ZKSCAN5: variants seen among roughly 807,000 people sequenced by gnomAD.
ZKSCAN5 encodes zinc finger with KRAB and SCAN domains 5.
ZKSCAN5 carries 28 observed loss-of-function variants against 60.0 expected under a neutral mutation model. That is an observed-to-expected ratio of 0.47 (90% confidence interval 0.35 to 0.64). The LOEUF (loss-of-function observed/expected upper bound fraction) is 0.64. ZKSCAN5 is among the 30% of genes least tolerant of loss of function. The pLI, the probability that ZKSCAN5 is intolerant of heterozygous loss-of-function variation, is 0.01. For missense variants in ZKSCAN5, 881 were observed against 1,034.6 expected, an observed-to-expected ratio of 0.85 and a Z score of 2.04; for synonymous variants, 361 against 371.2, an observed-to-expected ratio of 0.97 and a Z score of 0.31.
At chr7:99,513,089 G>T (rs1026254270) in intron 3 of ZKSCAN5, among the ~76,000 whole-genome samples, 6 of 148,642 alleles carry the variant, frequency 4.0e-5, no homozygotes, top group African/African-American at 1.5e-4. Flanking sequence ...TTGGTTTTTT[G>T]TTCTTGCGAT....
rs753693260 is a variant in ZKSCAN5, at chr7:99,526,243, C to T, written c.1203C>T (p.Pro401=). ...QHQRVHTGEK[P]YKCQVCGKAF... ...AGCGCGTCCACACAGGGGAGAAACC[C>T]TACAAATGTCAGGTGTGCGGAAAGG... is the stretch of plus-strand genomic sequence containing the variant. Residue 401 remains proline, a synonymous_variant, in exon 6 of 7, where the codon CCC becomes CCT. Coordinates refer to ENST00000326775, the MANE Select transcript of ZKSCAN5 (RefSeq NM_145102.4). The T allele has an allele frequency of 1.9e-6, 3 of 1,613,992 alleles. No individual in the cohort carries two copies. The highest frequency in any genetic ancestry group is 1.3e-5 in the African/African-American group (1 of 74,918).
At chr7:99,517,548 G>A (rs995516937) in intron 3 of ZKSCAN5, among the ~76,000 whole-genome samples, 15 of 152,156 alleles carry the variant, frequency 9.9e-5, no homozygotes, top group African/African-American at 3.6e-4. Flanking sequence ...AGGCATGGTG[G>A]CACATGCCTG....
chr7:99,530,035 T>G (rs1801972936), intron 6 of ZKSCAN5, among the ~76,000 whole-genome samples: 2 of 103,984 alleles, frequency 1.9e-5, no homozygotes, highest in East Asian at 4.5e-4. Context: ...GCACCCGGCC[T>G]TTTTTTTTTT....
intron 2 of ZKSCAN5, among the ~76,000 whole-genome samples, chr7:99,507,470 T>C (rs965001565): frequency 2.1e-5 from 3 of 141,192 alleles, no homozygotes; most frequent in Non-Finnish European, 4.7e-5. Context: ...TGCGTATATA[T>C]GTGTATATAT....
At chr7:99,516,705 G>T (rs1178470629) in intron 3 of ZKSCAN5, among the ~76,000 whole-genome samples, 2 of 152,084 alleles carry the variant, frequency 1.3e-5, no homozygotes, top group Non-Finnish European at 2.9e-5. Flanking sequence ...GAGATGTCCG[G>T]GTGTTGCGCA....
chr7:99,513,552 C>T (rs1801136955), intron 3 of ZKSCAN5, among the ~76,000 whole-genome samples: 1 of 151,928 alleles, frequency 6.6e-6, no homozygotes, highest in South Asian at 2.1e-4. Flanking sequence ...TGCCACCATG[C>T]CCAGCTAATT....
At chr7:99,509,863 T>C (rs1211315200) in intron 2 of ZKSCAN5, among the ~76,000 whole-genome samples, 1 of 152,218 alleles carries the variant, frequency 6.6e-6, no homozygotes, top group Non-Finnish European at 1.5e-5. Flanking sequence ...TTGGAAACAA[T>C]AAGCATTGTG....
rs150402453 is a variant in ZKSCAN5 at position 99,532,634 on chromosome 7, C to T, written c.*385C>T. 1.8e-3 allele frequency: 314 copies of T among 172,962 alleles called. No homozygotes were observed. The highest frequency in any genetic ancestry group is 8.7e-3 in the Middle Eastern group (3 of 344). The allele number at this position is 172,962 out of a possible 1,614,324, so 10.7% of individuals were successfully genotyped here. A position where few individuals can be genotyped will look rare whatever the true frequency, so the allele number is the denominator to read the frequency against. On this transcript the variant is annotated 3_prime_UTR_variant, in exon 7 of 7. Coordinates refer to ENST00000326775, the MANE Select transcript of ZKSCAN5 (RefSeq NM_145102.4). ...TATTTGTAGCTTCTGCCTTGTTTGA[C>T]GGCGTATCTATTCAGGGAAGCGCAC...
Position 99,519,852 on chromosome 7 carries a change from C to T in ZKSCAN5, c.579C>T (p.Ser193=), listed in dbSNP as rs1278522713. 7 of 1,614,092 alleles carry T rather than the reference C, an allele frequency of 4.3e-6. No individual in the cohort carries two copies. Among genetic ancestry groups the T allele is most frequent in the Non-Finnish European group, 5.9e-6 (7 of 1,180,042 alleles). The part of the protein sequence containing the change: ...ENALPVLQVP[S]LPLKDSQELT... ...CCCTTCCTGTTCTCCAAGTTCCTTC[C>T]CTTCCCCTGAAGGACAGCCAGGAGC... is the stretch of plus-strand genomic sequence containing the variant. The change falls in exon 4 of 7, where the codon TCC becomes TCT. Residue 193 remains serine, a synonymous_variant. Coordinates refer to ENST00000326775, the MANE Select transcript of ZKSCAN5 (RefSeq NM_145102.4).
chr7:99,526,686 C>G (rs548602897), intron 6 of ZKSCAN5, among the ~76,000 whole-genome samples: 12 of 152,316 alleles, frequency 7.9e-5, no homozygotes, highest in South Asian at 4.1e-4. Flanking sequence ...TCCCAAGTAG[C>G]TGGGACAACA....
chr7:99,526,516 G>A (rs555656760), intron 6 of ZKSCAN5, 98 bp downstream of exon 6: 3 of 1,398,270 alleles, frequency 2.1e-6, no homozygotes, highest in South Asian at 1.4e-5. Flanking sequence ...TGGTGATACT[G>A]GGGGGGGTAG....
chr7:99,506,249 A>G lies in ZKSCAN5; in HGVS notation c.205A>G (p.Ser69Gly). 1 of 1,614,212 alleles carries G rather than the reference A, an allele frequency of 6.2e-7. No individual in the cohort carries two copies. Among genetic ancestry groups the G allele is most frequent in the Non-Finnish European group, 8.5e-7 (1 of 1,180,038 alleles). ...HEASGPREAL[S>G]QLRVLCCEWL... ...GGCTTCAGGACCCCGGGAGGCTCTC[A>G]GCCAACTCCGGGTGCTCTGCTGTGA... Residue 69 changes from serine (S) to glycine (G), a missense_variant, in exon 2 of 7, where the codon AGC (serine) becomes GGC (glycine). Around this residue, in one of 5 missense-constraint regions of ZKSCAN5, gnomAD observed 53 missense variants for 88.7 expected, o/e 0.60. Transcript: ENST00000326775.
intron 6 of ZKSCAN5, among the ~76,000 whole-genome samples, chr7:99,526,851 G>A (rs1174883175): frequency 6.6e-6 from 1 of 152,196 alleles, no homozygotes; most frequent in South Asian, 2.1e-4. Flanking sequence ...CACTGTGCTG[G>A]CTGTGCTCTC....
At position 99,533,354 on chromosome 7, in the gene ZKSCAN5, C is replaced by T. The variant is rs1214571658; in HGVS notation, c.*1105C>T. 2 of 610,478 alleles carry T rather than the reference C, an allele frequency of 3.3e-6. No individual in the cohort carries two copies. Among genetic ancestry groups the T allele is most frequent in the Non-Finnish European group, 6.1e-6 (2 of 330,510 alleles). The allele number at this position is 610,478 out of a possible 1,614,324, so 37.8% of individuals were successfully genotyped here. A position where few individuals can be genotyped will look rare whatever the true frequency, so the allele number is the denominator to read the frequency against. On this transcript the variant is annotated 3_prime_UTR_variant, in exon 7 of 7. Coordinates refer to ENST00000326775, the MANE Select transcript of ZKSCAN5 (RefSeq NM_145102.4). Reference sequence around the variant, plus strand: ...ATGACATGTGTGAGAGAGTTCTGAGCCTGTTTGCTAGGGAGAGTGAGTGAG... The same window carrying T: ...ATGACATGTGTGAGAGAGTTCTGAGTCTGTTTGCTAGGGAGAGTGAGTGAG...
chr7:99,523,511 T>G (rs1427486981), intron 5 of ZKSCAN5, among the ~76,000 whole-genome samples: 1 of 151,934 alleles, frequency 6.6e-6, no homozygotes, highest in African/African-American at 2.4e-5. Context: ...GAGGCTGAGG[T>G]GGGAGGATCG....
At chr7:99,505,234 C>A (rs1800662611) in intron 1 of ZKSCAN5, 1 of 152,144 alleles carries the variant, frequency 6.6e-6, no homozygotes, top group African/African-American at 2.4e-5. Context: ...CGGTTTAACC[C>A]CGTTGGACAG....
chr7:99,525,085 G>C (rs1801712855), intron 5 of ZKSCAN5, among the ~76,000 whole-genome samples: 1 of 151,972 alleles, frequency 6.6e-6, no homozygotes, highest in South Asian at 2.1e-4. Flanking sequence ...AGAATCACTT[G>C]AACCCGGGAG....
At chr7:99,505,953 A>T in intron 1 of ZKSCAN5, 52 bp from the exon 2 acceptor site, 1 of 1,451,004 alleles carries the variant, frequency 6.9e-7, no homozygotes, top group Non-Finnish European at 9.4e-7. Context: ...GTTGCATGCT[A>T]CTGAAAGTGT....
In ZKSCAN5 at chr7:99,520,290, G is replaced by A. The variant is rs762041979; in HGVS notation, c.758G>A (p.Ser253Asn). 4 of 1,612,886 alleles carry A rather than the reference G, an allele frequency of 2.5e-6. No homozygotes were observed. The highest frequency in any genetic ancestry group is 2.2e-5 in the South Asian group (2 of 90,788). Reference protein sequence around the residue: ...YRDDRKENYGSITSMGYESRD... With the variant: ...YRDDRKENYGNITSMGYESRD... ...GATGACAGGAAGGAGAACTATGGGA[G>A]TATTACTTCCATGGGTAAGGATTAT... Residue 253 changes from serine to asparagine, a missense_variant, in exon 5 of 7, where the codon AGT (serine) becomes AAT (asparagine). Around this residue, in one of 5 missense-constraint regions of ZKSCAN5, gnomAD observed 490 missense variants for 554.5 expected, o/e 0.88. Transcript: ENST00000326775.
Sources: gnomAD v4.1 joint callset for allele counts (sites outside exome capture counted in the v4.1 genomes callset) on GRCh38, gnomAD v4.1.1 for gene constraint, gnomAD v4.1.1 regional missense constraint, MANE v1.5 for transcripts, NCBI Gene and HGNC (gene_info 2026-07-23, HGNC 2026-07-21) for gene names.